WDR35: variants seen among roughly 807,000 people sequenced by gnomAD.
WDR35 encodes WD repeat domain 35, also known as WD repeat-containing protein 35.
Under a neutral mutation model 158.3 loss-of-function variants are expected in WDR35, and 118 were observed. The observed-to-expected ratio is 0.75, with a 90% CI of 0.64 to 0.87. WDR35 has a LOEUF of 0.87. WDR35 is among the 40% of genes least tolerant of loss of function. WDR35 has a pLI of 0.00. For synonymous variants in WDR35, 448 were observed against 476.1 expected (o/e 0.94, Z 0.77); for missense variants, 1,263 against 1,405.8 (o/e 0.90, Z 1.62).
chr2:19,960,454 G>A (rs925402885), intron 11 of WDR35, 100 bp downstream of exon 11: 1 of 983,728 alleles, frequency 1.0e-6, no homozygotes, highest in Non-Finnish European at 1.5e-6. Flanking sequence ...CCTCGTTTTA[G>A]AAAACACCAT....
At chr2:19,955,836 T>C (rs1200408077) in intron 11 of WDR35, among the ~76,000 whole-genome samples, 1 of 152,214 alleles carries the variant, frequency 6.6e-6, no homozygotes, top group Non-Finnish European at 1.5e-5. Context: ...TGATGTTAAT[T>C]GAGTGGGTTA....
rs886055402 is a variant in WDR35 at position 19,931,277 on chromosome 2, T to C, written c.2956A>G (p.Ser986Gly). ...TTAACGTGCTACTTTACCTCTGAAC[T>C]TTTTCCTTTAACTTTTCCTCGCTGG... ...NAQRGKVKGK[S>G]SEATSALAGL... Residue 986 changes from serine (S) to glycine (G), a missense_variant, in exon 24 of 27, where the codon AGT becomes GGT. By Grantham distance (56) the Ser-to-Gly change is moderately conservative (BLOSUM62 0). Coordinates refer to ENST00000281405, the MANE Select transcript of WDR35 (RefSeq NM_020779.4). 6.2e-7 allele frequency: 1 copy of C among 1,613,072 alleles called. No homozygotes were observed. Among genetic ancestry groups the C allele is most frequent in the Non-Finnish European group, 8.5e-7 (1 of 1,179,562 alleles).
At chr2:19,938,168 G>A (rs1243315731) in intron 18 of WDR35, 97 bp downstream of exon 18, 1 of 1,530,560 alleles carries the variant, frequency 6.5e-7, no homozygotes, top group Non-Finnish European at 9.0e-7. Flanking sequence ...ATGGAAGTCT[G>A]CTCCCATCAG....
rs72779355 is a variant in WDR35 at position 19,911,243 on chromosome 2, C to G, written c.*2315G>C. Reference sequence around the variant, plus strand: ...AAATGAAAGTGCAACCAACAAATCACAGTAAGGGGCTAGAGGCATGACAAT... The same window carrying G: ...AAATGAAAGTGCAACCAACAAATCAGAGTAAGGGGCTAGAGGCATGACAAT... On this transcript the variant is annotated 3_prime_UTR_variant, in exon 27 of 27. Coordinates refer to ENST00000281405, the MANE Select transcript of WDR35 (RefSeq NM_020779.4). 0.014 allele frequency: 2,083 copies of G among 152,264 alleles called. 16 individuals carry two copies. The highest frequency in any genetic ancestry group is 0.021 in the Non-Finnish European group (1,437 of 68,012). The allele number at this position is 152,264 out of a possible 1,614,324, so 9.4% of individuals were successfully genotyped here.
chr2:19,964,583 C>T lies in WDR35; in HGVS notation c.1194+2141G>A, dbSNP rs998928821. 5.3e-5 allele frequency among the ~76,000 whole-genome samples: 8 copies of T among 151,890 alleles called. No individual in the cohort carries two copies. The East Asian group carries it at 9.7e-4, about 18-fold the overall frequency. ...TATTTTAGTAGAGACAGGGTTTCAC[C>T]GTGTTGCCCAGGCCGGTCTCGAACT... is the stretch of plus-strand genomic sequence containing the variant. On this transcript the variant is annotated intron_variant, in intron 10 of 26. Transcript: ENST00000281405.
intron 5 of WDR35, among the ~76,000 whole-genome samples, chr2:19,978,195 GAC>G (rs3039208): frequency 0.22 from 32,092 of 146,246 alleles, 3,611 homozygotes; most frequent in East Asian, 0.4. Flanking sequence ...CACACACACA[GAC>G]ACACACACAC....
intron 17 of WDR35, among the ~76,000 whole-genome samples, chr2:19,940,184 C>G (rs1385846843): frequency 8.4e-6 from 1 of 118,974 alleles, no homozygotes; most frequent in Non-Finnish European, 1.7e-5. Context: ...CAAACCCCAT[C>G]TCTACAAAAA....
At chr2:19,978,079 T>C (rs1021815985) in intron 5 of WDR35, among the ~76,000 whole-genome samples, 2 of 152,116 alleles carry the variant, frequency 1.3e-5, no homozygotes, top group African/African-American at 4.8e-5. Flanking sequence ...TACTCATCCA[T>C]CTCTCCTGAT....
At chr2:19,955,938 T>C (rs760590056) in intron 11 of WDR35, among the ~76,000 whole-genome samples, 9 of 152,224 alleles carry the variant, frequency 5.9e-5, no homozygotes, top group Middle Eastern at 3.4e-3. Context: ...TCACTGTAAC[T>C]GTCAAGATTT....
At chr2:19,942,512 C>T (rs373402242) in intron 16 of WDR35, among the ~76,000 whole-genome samples, 6 of 151,304 alleles carry the variant, frequency 4.0e-5, no homozygotes, top group South Asian at 2.1e-4. Context: ...AAAGTAGCTG[C>T]CCTAGATCCT....
chr2:19,980,864 A>C, intron 3 of WDR35, 81 bp from the exon 4 acceptor site: 2 of 1,257,350 alleles, frequency 1.6e-6, no homozygotes, highest in Non-Finnish European at 2.3e-6. Context: ...CACCAAGATC[A>C]TGTTAAAATC....
At chr2:19,933,595 T>C in intron 21 of WDR35, 84 bp from the exon 22 acceptor site, 1 of 1,184,570 alleles carries the variant, frequency 8.4e-7, no homozygotes, top group South Asian at 1.3e-5. Flanking sequence ...CGTAGGGACG[T>C]ATGAGTATTA....
Position 19,978,801 on chromosome 2 carries a change from TTC to T in WDR35, c.384_385del (p.Lys129AspfsTer6), listed in dbSNP as rs1367785122. On this transcript the variant is annotated frameshift_variant, in exon 5 of 27. Transcript: ENST00000281405. LOFTEE classifies it high-confidence loss of function. ...CCCATCTTCATATACAATGCAGATC[TTC>T]TGTCCGTCAGCATTCCAGCTCATAC... The T allele has an allele frequency of 6.2e-7, 1 of 1,613,944 alleles. No homozygotes were observed.
chr2:19,938,280 G>A lies in WDR35; in HGVS notation c.2048C>T (p.Pro683Leu). Residue 683 changes from proline to leucine, a missense_variant, in exon 18 of 27, where the codon CCA becomes CTA. Transcript: ENST00000281405. ...KDASQFIEDN[P>L]HPRLWRLLAE... ...TTTTAAATACCAAAGTCGGGGGTGTGGATTGTCCTCTATGAACTGAGATGC... is the reference window on the plus strand; with the variant it reads ...TTTTAAATACCAAAGTCGGGGGTGTAGATTGTCCTCTATGAACTGAGATGC... 1 of 1,613,958 alleles carries A rather than the reference G, an allele frequency of 6.2e-7. No individual in the cohort carries two copies. The highest frequency in any genetic ancestry group is 2.2e-5 in the East Asian group (1 of 44,866).
intron 9 of WDR35, 105 bp from the exon 10 acceptor site, chr2:19,967,014 G>T: frequency 8.8e-7 from 1 of 1,136,520 alleles, no homozygotes; most frequent in Non-Finnish European, 1.3e-6. Context: ...TCAAAATATT[G>T]CAGATATTTA....
intron 25 of WDR35, among the ~76,000 whole-genome samples, chr2:19,915,965 C>T (rs1369175420): frequency 6.7e-6 from 1 of 149,052 alleles, no homozygotes; most frequent in Non-Finnish European, 1.5e-5. Context: ...GCAAGATGGA[C>T]GAATAGGAAC....
chr2:19,969,574 T>C lies in WDR35; in HGVS notation c.914A>G (p.Glu305Gly). 6.2e-7 allele frequency: 1 copy of C among 1,613,932 alleles called. No individual in the cohort carries two copies. Among genetic ancestry groups the C allele is most frequent in the Non-Finnish European group, 8.5e-7 (1 of 1,179,954 alleles). Residue 305 changes from glutamate (E) to glycine (G), a missense_variant, in exon 9 of 27, where the codon GAA (glutamate) becomes GGA (glycine). Coordinates refer to ENST00000281405, the MANE Select transcript of WDR35 (RefSeq NM_020779.4). ...TCCTTCCCAAGATAGTGCAGATATT[T>C]CCTTTCCAGGAACTTTCAAAGTACC... ...HLGTLKVPGK[E>G]ISALSWEGGG...
intron 2 of WDR35, among the ~76,000 whole-genome samples, chr2:19,986,108 G>T (rs1672558289): frequency 6.6e-6 from 1 of 152,184 alleles, no homozygotes; most frequent in African/African-American, 2.4e-5. Flanking sequence ...CAACAGGATT[G>T]CTGATGCAGA....
In WDR35 at chr2:19,913,501, T is replaced by C. The variant is rs886843596; in HGVS notation, c.*57A>G. ...AATAAACCTTATTACATATACAGCA[T>C]ATAGCCATGTATATATGCTACATAT... On this transcript the variant is annotated 3_prime_UTR_variant, in exon 27 of 27. Coordinates refer to ENST00000281405, the MANE Select transcript of WDR35 (RefSeq NM_020779.4). 4.0e-5 allele frequency: 64 copies of C among 1,596,722 alleles called. No individual in the cohort carries two copies. The highest frequency in any genetic ancestry group is 5.1e-5 in the Non-Finnish European group (59 of 1,164,542).
Sources: allele counts gnomAD v4.1 joint callset (sites outside exome capture counted in the v4.1 genomes callset), GRCh38; gene constraint gnomAD v4.1.1; transcripts MANE v1.5; gene names NCBI Gene and HGNC (gene_info 2026-07-23, HGNC 2026-07-21).